The following GABRA1 variants were observed in gnomAD, a reference collection of about 807,000 sequenced individuals.
GABRA1 encodes the protein gamma-aminobutyric acid receptor subunit alpha-1.
In GABRA1, 9 loss-of-function variants were observed where a neutral mutation model predicts 48.9. That is an observed-to-expected ratio of 0.18 (90% CI 0.11 to 0.32). The LOEUF (loss-of-function observed/expected upper bound fraction) is 0.32. GABRA1 is among the 10% of genes least tolerant of loss of function. The probability of loss-of-function intolerance (pLI) is 1.00; values close to 1 mark genes in which losing one functional copy is unlikely to be tolerated. For synonymous variants in GABRA1, 210 were observed against 198.7 expected (o/e 1.06, Z -0.48); for missense variants, 285 against 553.8 (o/e 0.51, Z 4.87).
intron 6 of GABRA1, among the ~76,000 whole-genome samples, chr5:161,876,917 C>T (rs554210134): frequency 3.3e-5 from 5 of 152,072 alleles, no homozygotes; most frequent in African/African-American, 4.8e-5. Flanking sequence ...GGGACAGTAT[C>T]GGTTTATGCC....
At chr5:161,858,985 G>A (rs532894419) in intron 3 of GABRA1, among the ~76,000 whole-genome samples, 1 of 151,916 alleles carries the variant, frequency 6.6e-6, no homozygotes, top group South Asian at 2.1e-4. Context: ...TGGAGAGGCA[G>A]ATGATAGAGA....
chr5:161,863,193 T>C (rs894790072), intron 3 of GABRA1, among the ~76,000 whole-genome samples: 2 of 151,916 alleles, frequency 1.3e-5, no homozygotes, highest in African/African-American at 2.4e-5. Flanking sequence ...TGTGTATATG[T>C]AAAAGTGAGG....
chr5:161,881,486 A>T (rs1024625063), intron 6 of GABRA1, among the ~76,000 whole-genome samples: 28 of 152,206 alleles, frequency 1.8e-4, no homozygotes, highest in African/African-American at 6.3e-4. Context: ...GACATGGCAA[A>T]TAAAAATGAT....
intron 3 of GABRA1, among the ~76,000 whole-genome samples, chr5:161,859,033 C>G (rs1321479302): frequency 6.6e-6 from 1 of 151,670 alleles, no homozygotes; most frequent in African/African-American, 2.4e-5. Flanking sequence ...ACCTTTATCC[C>G]TGCTACACAT....
chr5:161,859,097 A>AT (rs1165369776), intron 3 of GABRA1, among the ~76,000 whole-genome samples: 3 of 151,484 alleles, frequency 2.0e-5, no homozygotes, highest in African/African-American at 4.8e-5. Flanking sequence ...GTAGATTTGG[A>AT]TTTTTTTGGT....
rs888119802 is a variant in GABRA1, at chr5:161,855,186, C to A, written c.187+916C>A. 4.0e-5 allele frequency among the ~76,000 whole-genome samples: 6 copies of A among 151,674 alleles called. No homozygotes were observed. In the East Asian group the frequency reaches 9.7e-4, roughly 24 times the overall value. On this transcript the variant is annotated intron_variant, in intron 3 of 9. Transcript: ENST00000393943. ...TAGTGATTAAATGGCAATATTAAGA[C>A]AGCCACTTCTTCTTCATTTAGACAG...
rs1245870077 is a variant in GABRA1, at chr5:161,879,502, T to C, written c.560-3056T>C. On this transcript the variant is annotated intron_variant, in intron 6 of 9. Transcript: ENST00000393943. ...AATTTTTGGCTAAGTAGCTGAAGAC[T>C]CTTTTTAATCTCACTTTTCTTATGC... 2.0e-5 allele frequency among the ~76,000 whole-genome samples: 3 copies of C among 152,200 alleles called. No homozygotes were observed. In the East Asian group the frequency reaches 5.8e-4, roughly 29 times the overall value.
intron 9 of GABRA1, among the ~76,000 whole-genome samples, chr5:161,896,106 T>G (rs1292914952): frequency 1.3e-5 from 2 of 152,166 alleles, no homozygotes; most frequent in Non-Finnish European, 2.9e-5. Flanking sequence ...GGCAAACATT[T>G]CTAGTCAAAT....
rs114770400 is a variant in GABRA1 at position 161,869,459 on chromosome 5, T to C, written c.256-3658T>C. 3.1e-3 allele frequency among the ~76,000 whole-genome samples: 469 copies of C among 152,274 alleles called. 2 individuals carry two copies. Among genetic ancestry groups the C allele is most frequent in the Middle Eastern group, 6.8e-3 (2 of 294 alleles). On this transcript the variant is annotated intron_variant, in intron 4 of 9. Transcript: ENST00000393943. ...CCAAGGCATCTGACTTCATCTGGAA[T>C]AGCAAACAAAATTAGGACAATTCTC...
Position 161,882,645 on chromosome 5 carries a change from AC to A in GABRA1, c.649del (p.Gln217SerfsTer9). ...GTAGCAGAAGATGGATCACGTCTAA[AC>A]CAGTATGACCTTCTTGGACAAACAG... ...VVVAEDGSRL[N>X]QYDLLGQTVD... is the part of the protein sequence containing the mutation. On this transcript the variant is annotated frameshift_variant, in exon 7 of 10. Transcript: ENST00000393943. LOFTEE classifies it high-confidence loss of function. The A allele has an allele frequency of 6.2e-7, 1 of 1,613,728 alleles. No homozygotes were observed. The highest frequency in any genetic ancestry group is 8.5e-7 in the Non-Finnish European group (1 of 1,179,800).
At position 161,899,054 on chromosome 5, in the gene GABRA1, G is replaced by GTCTA. The variant is rs1224918625; in HGVS notation, c.*1635_*1636insATCT. Reference sequence around the variant, plus strand: ...GAAGGTATTTTTGAAGTCTCCTTTTGTCTGATAGAGTTTAACAGATATTTA... The same window carrying GTCTA: ...GAAGGTATTTTTGAAGTCTCCTTTTGTCTATCTGATAGAGTTTAACAGATATTTA... On this transcript the variant is annotated 3_prime_UTR_variant, in exon 10 of 10. Coordinates refer to ENST00000393943, the MANE Select transcript of GABRA1 (RefSeq NM_001127644.2). 1.3e-5 allele frequency: 2 copies of GTCTA among 152,474 alleles called. No individual in the cohort carries two copies. Among genetic ancestry groups the GTCTA allele is most frequent in the Non-Finnish European group, 2.9e-5 (2 of 67,952 alleles). The allele number at this position is 152,474 out of a possible 1,614,324, so 9.4% of individuals were successfully genotyped here.
At chr5:161,893,017 ATAATAATAAT>A (rs1561586252) in intron 8 of GABRA1, among the ~76,000 whole-genome samples, 8 of 108,550 alleles carry the variant, frequency 7.4e-5, no homozygotes, top group East Asian at 2.4e-4. Context: ...AAAAATAATA[ATAATAATAAT>A]AATAATAATA....
chr5:161,875,728 A>C, intron 6 of GABRA1, 86 bp downstream of exon 6: 1 of 968,182 alleles, frequency 1.0e-6, no homozygotes, highest in Non-Finnish European at 1.7e-6. Flanking sequence ...ACGCGTAGAT[A>C]AGGGAATCAA....
intron 3 of GABRA1, among the ~76,000 whole-genome samples, chr5:161,865,500 C>T (rs1443845723): frequency 6.6e-6 from 1 of 152,112 alleles, no homozygotes; most frequent in Non-Finnish European, 1.5e-5. Flanking sequence ...TCCATAAAGT[C>T]TGCCTCCCAA....
At chr5:161,893,463 C>T (rs1219489545) in intron 8 of GABRA1, among the ~76,000 whole-genome samples, 2 of 151,644 alleles carry the variant, frequency 1.3e-5, no homozygotes, top group Admixed American at 6.6e-5. Flanking sequence ...TTTTTCTGAG[C>T]TCTGTGAGAA....
intron 7 of GABRA1, among the ~76,000 whole-genome samples, chr5:161,889,847 T>C (rs1175265555): frequency 6.6e-6 from 1 of 151,858 alleles, no homozygotes; most frequent in Non-Finnish European, 1.5e-5. Flanking sequence ...AAAATGTCAA[T>C]AGTGCTGAGG....
intron 8 of GABRA1, among the ~76,000 whole-genome samples, chr5:161,892,337 A>G (rs1278982804): frequency 1.3e-5 from 2 of 152,220 alleles, no homozygotes; most frequent in Admixed American, 1.3e-4. Flanking sequence ...CTATGGTATC[A>G]TTTTTCAATA....
At chr5:161,891,145 C>A in intron 8 of GABRA1, 95 bp downstream of exon 8, 1 of 1,140,266 alleles carries the variant, frequency 8.8e-7, no homozygotes, top group Non-Finnish European at 1.3e-6. Flanking sequence ...AAAAAATATA[C>A]ACTCAAATAT....
chr5:161,854,206 C>A lies in GABRA1; in HGVS notation c.123C>A (p.Val41=). Residue 41 remains valine, a synonymous_variant, in exon 3 of 10, where the codon GTC becomes GTA. Coordinates refer to ENST00000393943, the MANE Select transcript of GABRA1 (RefSeq NM_001127644.2). The part of the protein sequence containing the change: ...LQDELKDNTT[V]FTRILDRLLD... The stretch of plus-strand genomic sequence containing the variant: ...ATGAACTTAAAGACAATACCACTGT[C>A]TTCACCAGGATTTTGGACAGACTCC... 3 of 1,610,222 alleles carry A rather than the reference C, an allele frequency of 1.9e-6. No homozygotes were observed. Among genetic ancestry groups the A allele is most frequent in the Non-Finnish European group, 2.5e-6 (3 of 1,176,920 alleles).
Sources: allele counts gnomAD v4.1 joint callset (sites outside exome capture counted in the v4.1 genomes callset), GRCh38; gene constraint gnomAD v4.1.1; transcripts MANE v1.5; gene names NCBI Gene and HGNC (gene_info 2026-07-23, HGNC 2026-07-21).